The following FHIT variants were observed in gnomAD, a reference collection of about 807,000 sequenced individuals.
The protein encoded by FHIT is fragile histidine triad diadenosine triphosphatase.
A neutral mutation model predicts 17.9 loss-of-function variants in FHIT; 19 were observed. The observed-to-expected ratio is 1.06, with a 90% confidence interval of 0.74 to 1.56. FHIT has a LOEUF of 1.56. Among genes scored for constraint, FHIT ranks in the 40% most tolerant of loss-of-function variants. FHIT has a pLI of 0.00. For missense variants in FHIT, 248 were observed against 189.2 expected (o/e 1.31, Z -1.82); for synonymous variants, 81 against 69.7 (o/e 1.16, Z -0.81).
intron 7 of FHIT, among the ~76,000 whole-genome samples, chr3:59,959,344 T>G (rs958375830): frequency 1.3e-5 from 2 of 152,178 alleles, no homozygotes; most frequent in African/African-American, 4.8e-5. Flanking sequence ...TTTAACCCCT[T>G]CCATCACTAC....
At chr3:60,912,755 T>C (rs1439926046) in intron 3 of FHIT, 2 of 516,984 alleles carry the variant, frequency 3.9e-6, no homozygotes, top group African/African-American at 3.9e-5. Context: ...ATTTACCTTC[T>C]CACAATTTGC....
intron 3 of FHIT, among the ~76,000 whole-genome samples, chr3:60,962,857 C>T (rs1429319615): frequency 6.6e-6 from 1 of 152,134 alleles, no homozygotes; most frequent in African/African-American, 2.4e-5. Context: ...ATTTTTGCAT[C>T]GATGTTCATC....
At position 60,413,700 on chromosome 3, in the gene FHIT, T is replaced by C. The variant is rs1300727214; in HGVS notation, c.103+123160A>G. On this transcript the variant is annotated intron_variant, in intron 5 of 9. Transcript: ENST00000492590. ...TGTGTATGTGGCTTGTAAATTATTC[T>C]TTTAAACTGCTTACAAATTAGCTGT... Among the ~76,000 whole-genome samples, 4 of 152,090 alleles carry C rather than the reference T, an allele frequency of 2.6e-5. No individual in the cohort carries two copies. The East Asian group carries it at 7.7e-4, about 29-fold the overall frequency.
chr3:59,858,163 G>T (rs1406899147), intron 8 of FHIT, among the ~76,000 whole-genome samples: 2 of 151,830 alleles, frequency 1.3e-5, no homozygotes, highest in Non-Finnish European at 2.9e-5. Flanking sequence ...GCTGTGAAAG[G>T]TGTATGGGAG....
intron 5 of FHIT, among the ~76,000 whole-genome samples, chr3:60,345,085 C>G (rs531120711): frequency 6.6e-6 from 1 of 152,256 alleles, no homozygotes; most frequent in East Asian, 1.9e-4. Context: ...ACATCCTAAT[C>G]CCTTTTCCCC....
intron 5 of FHIT, among the ~76,000 whole-genome samples, chr3:60,455,035 T>C (rs1576683312): frequency 1.3e-5 from 2 of 152,064 alleles, no homozygotes; most frequent in African/African-American, 4.8e-5. Flanking sequence ...ATAGTATGAG[T>C]ACCTTGAGAA....
Position 59,747,800 on chromosome 3 carries a change from G to C in FHIT, c.*1785C>G, listed in dbSNP as rs1700687496. 6.6e-6 allele frequency among the ~76,000 whole-genome samples: 1 copy of C among 152,002 alleles called. No homozygotes were observed. Among genetic ancestry groups the C allele is most frequent in the Admixed American group, 6.6e-5 (1 of 15,248 alleles). Reference sequence around the variant, plus strand: ...CTTGATATGCCTGCAGGGGTTGGGGGGAGGTGGGTGGGTGGAAAGGAGTAC... The same window carrying C: ...CTTGATATGCCTGCAGGGGTTGGGGCGAGGTGGGTGGGTGGAAAGGAGTAC... On this transcript the variant is annotated 3_prime_UTR_variant, in exon 10 of 10. Transcript: ENST00000492590.
chr3:59,943,380 TGGA>T (rs915835496), intron 7 of FHIT, among the ~76,000 whole-genome samples: 5 of 151,984 alleles, frequency 3.3e-5, no homozygotes, highest in Non-Finnish European at 4.4e-5. Context: ...GCAACGAAAT[TGGA>T]GGAGGATTAT....
chr3:60,393,541 C>T (rs1415594263), intron 5 of FHIT, among the ~76,000 whole-genome samples: 2 of 151,832 alleles, frequency 1.3e-5, no homozygotes, highest in African/African-American at 2.4e-5. Flanking sequence ...TTAGGAAAAG[C>T]TGACCAAATA....
At chr3:60,015,433 T>C (rs1700306289) in intron 5 of FHIT, among the ~76,000 whole-genome samples, 1 of 152,238 alleles carries the variant, frequency 6.6e-6, no homozygotes, top group Non-Finnish European at 1.5e-5. Context: ...CCACAGGGCA[T>C]CTGATACTTA....
At chr3:59,869,500 T>TTTTTTTTTTTTTTC (rs1553701528) in intron 8 of FHIT, among the ~76,000 whole-genome samples, 1 of 145,730 alleles carries the variant, frequency 6.9e-6, no homozygotes, top group African/African-American at 2.6e-5. Flanking sequence ...TTTTTTTTTT[T>TTTTTTTTTTTTTTC]AGACAGAGTC....
intron 5 of FHIT, among the ~76,000 whole-genome samples, chr3:60,121,923 T>C (rs528174279): frequency 1.1e-4 from 17 of 152,232 alleles, no homozygotes; most frequent in African/African-American, 3.9e-4. Context: ...AACTAAGAAA[T>C]AATATATTTG....
chr3:60,592,835 G>C (rs1263253196), intron 4 of FHIT, among the ~76,000 whole-genome samples: 3 of 152,240 alleles, frequency 2.0e-5, no homozygotes, highest in Non-Finnish European at 1.5e-5. Flanking sequence ...AGTCTGGAGA[G>C]AGTGAGTAGA....
At chr3:60,121,709 A>AAAACAC (rs1553690214) in intron 5 of FHIT, among the ~76,000 whole-genome samples, 74 of 116,414 alleles carry the variant, frequency 6.4e-4, no homozygotes, top group African/African-American at 2.3e-3. Context: ...AAACAAAACA[A>AAAACAC]ACACACACAC....
intron 4 of FHIT, among the ~76,000 whole-genome samples, chr3:60,679,738 C>A (rs1190400670): frequency 6.6e-6 from 1 of 151,936 alleles, no homozygotes; most frequent in Non-Finnish European, 1.5e-5. Flanking sequence ...GATCAAAAAA[C>A]ATTAAAAAAT....
At chr3:61,196,487 G>A (rs898202736) in intron 2 of FHIT, among the ~76,000 whole-genome samples, 2 of 152,008 alleles carry the variant, frequency 1.3e-5, no homozygotes, top group African/African-American at 4.8e-5. Context: ...TCTTAAAAGT[G>A]TACAATAAAG....
chr3:60,455,746 C>G (rs1036368531), intron 5 of FHIT, among the ~76,000 whole-genome samples: 1 of 151,984 alleles, frequency 6.6e-6, no homozygotes, highest in Middle Eastern at 3.4e-3. Flanking sequence ...GAATGACTTC[C>G]CTGCTTGATT....
chr3:60,565,253 C>A (rs1467522705), intron 4 of FHIT, among the ~76,000 whole-genome samples: 1 of 152,096 alleles, frequency 6.6e-6, no homozygotes, highest in Non-Finnish European at 1.5e-5. Flanking sequence ...TTGCGATAGT[C>A]ACTTTTTCAC....
At chr3:61,188,501 G>A (rs1220136841) in intron 2 of FHIT, among the ~76,000 whole-genome samples, 1 of 152,150 alleles carries the variant, frequency 6.6e-6, no homozygotes, top group African/African-American at 2.4e-5. Flanking sequence ...TCTACCAGAG[G>A]TACAAGGAGG....
Sources: gnomAD v4.1 joint callset for allele counts (sites outside exome capture counted in the v4.1 genomes callset) on GRCh38, gnomAD v4.1.1 for gene constraint, MANE v1.5 for transcripts, NCBI Gene and HGNC (gene_info 2026-07-23, HGNC 2026-07-21) for gene names.